CKAP5: variants seen among roughly 807,000 people sequenced by gnomAD.
CKAP5 encodes the protein cytoskeleton-associated protein 5.
CKAP5 carries 27 observed loss-of-function variants against 232.8 expected under a neutral mutation model. That is an observed-to-expected ratio of 0.12 (90% CI 0.09 to 0.16). The LOEUF (loss-of-function observed/expected upper bound fraction) is 0.16, where lower values mean the gene tolerates loss of function less well. CKAP5 is among the 10% of genes least tolerant of loss of function. The probability of loss-of-function intolerance (pLI) is 1.00; values close to 1 mark genes in which losing one functional copy is unlikely to be tolerated. For missense variants in CKAP5, 1,838 were observed against 2,424.7 expected (o/e 0.76, Z 5.08); for synonymous variants, 785 against 841.1 (o/e 0.93, Z 1.16).
At chr11:46,816,439 A>C in intron 3 of CKAP5, 35 bp from the exon 4 acceptor site, 1 of 1,573,542 alleles carries the variant, frequency 6.4e-7, no homozygotes, top group Non-Finnish European at 8.7e-7. Context: ...AATCCCACTT[A>C]AGTAGTAAGA....
At chr11:46,802,681 A>G (rs1257221085) in intron 8 of CKAP5, among the ~76,000 whole-genome samples, 1 of 152,104 alleles carries the variant, frequency 6.6e-6, no homozygotes, top group African/African-American at 2.4e-5. Flanking sequence ...CAGTAAGAGT[A>G]ATGCCTCCAG....
At chr11:46,778,075 G>T in intron 22 of CKAP5, 64 bp downstream of exon 22, 1 of 1,391,946 alleles carries the variant, frequency 7.2e-7, no homozygotes, top group South Asian at 1.4e-5. Context: ...AGGCTACACT[G>T]AAAAGGTAAC....
chr11:46,816,223 T>C lies in CKAP5; in HGVS notation c.433A>G (p.Ile145Val), dbSNP rs201535672. The C allele has an allele frequency of 3.2e-5, 52 of 1,614,040 alleles. No homozygotes were observed. In the East Asian group the frequency reaches 8.7e-4, roughly 27 times the overall value. The change falls in exon 4 of 44, where the codon ATA becomes GTA. Residue 145 changes from isoleucine (I) to valine (V), a missense_variant. Coordinates refer to ENST00000529230, the MANE Select transcript of CKAP5 (RefSeq NM_001008938.4). The stretch of plus-strand genomic sequence containing the variant: ...CTTAAGGCTTTCCTCAGTGTCTCTA[T>C]ACAGGCCACTATGATCTTGGGATTC... ...NKNPKIIVAC[I>V]ETLRKALSEF...
intron 8 of CKAP5, 51 bp downstream of exon 8, chr11:46,807,980 C>A: frequency 7.7e-7 from 1 of 1,304,000 alleles, no homozygotes; most frequent in South Asian, 1.3e-5. Flanking sequence ...ATGAGAAATT[C>A]AAAGGCCTGA....
chr11:46,779,134 A>AT (rs894541865), intron 20 of CKAP5, among the ~76,000 whole-genome samples: 156 of 149,414 alleles, frequency 1.0e-3, no homozygotes, highest in African/African-American at 3.5e-3. Context: ...AAACATAAAA[A>AT]TTTTTTTTTT....
intron 2 of CKAP5, among the ~76,000 whole-genome samples, chr11:46,819,548 G>A (rs1213685100): frequency 2.6e-5 from 4 of 152,136 alleles, no homozygotes; most frequent in East Asian, 1.9e-4. Flanking sequence ...AGAATTAGAT[G>A]TTTGTCCTCA....
intron 18 of CKAP5, among the ~76,000 whole-genome samples, chr11:46,781,752 C>A (rs969527633): frequency 6.6e-6 from 1 of 152,132 alleles, no homozygotes; most frequent in African/African-American, 2.4e-5. Context: ...GAAAACAACA[C>A]CATCTAAACT....
intron 35 of CKAP5, among the ~76,000 whole-genome samples, chr11:46,757,393 C>T (rs890244604): frequency 2.0e-5 from 3 of 150,396 alleles, no homozygotes; most frequent in Non-Finnish European, 3.0e-5. Context: ...CTAGGGAGGC[C>T]GAGGCAGGAG....
chr11:46,782,117 G>A (rs57196587), intron 18 of CKAP5, among the ~76,000 whole-genome samples: 2,478 of 152,082 alleles, frequency 0.016, 80 homozygotes, highest in African/African-American at 0.056. Context: ...GAGCCACCGC[G>A]CCCGGCCTGC....
In CKAP5 at chr11:46,777,570, A is replaced by G. The variant is rs1478138435; in HGVS notation, c.2749-18T>C. Reference sequence around the variant, plus strand: ...TGCTGTACCTGAGTGGAAAGAGCCAATACTTTATGTTGAAACGATAAGCAA... The same window carrying G: ...TGCTGTACCTGAGTGGAAAGAGCCAGTACTTTATGTTGAAACGATAAGCAA... On this transcript the variant is annotated intron_variant, in intron 22 of 43. Coordinates refer to ENST00000529230, the MANE Select transcript of CKAP5 (RefSeq NM_001008938.4). The G allele has an allele frequency of 6.6e-7, 1 of 1,520,808 alleles. No homozygotes were observed. Among genetic ancestry groups the G allele is most frequent in the Non-Finnish European group, 9.1e-7 (1 of 1,095,404 alleles). 94.2% of individuals were successfully genotyped at this position (1,520,808 alleles called of 1,614,324 possible).
In CKAP5 at chr11:46,765,354, T is replaced by C. The variant is rs1336262612; in HGVS notation, c.3412-98A>G. The C allele has an allele frequency of 4.8e-6, 5 of 1,039,202 alleles. No homozygotes were observed. The East Asian group carries it at 1.4e-4, about 29-fold the overall frequency. The allele number at this position is 1,039,202 out of a possible 1,614,324, so 64.4% of individuals were successfully genotyped here. Reference sequence around the variant, plus strand: ...AAAAGGGCACTGTAGAAAACAGAGATATCTTTCTACGTGATATTTCACATG... The same window carrying C: ...AAAAGGGCACTGTAGAAAACAGAGACATCTTTCTACGTGATATTTCACATG... On this transcript the variant is annotated intron_variant, in intron 27 of 43. Coordinates refer to ENST00000529230, the MANE Select transcript of CKAP5 (RefSeq NM_001008938.4).
At chr11:46,818,577 A>T in intron 2 of CKAP5, 74 bp from the exon 3 acceptor site, 2 of 932,300 alleles carry the variant, frequency 2.1e-6, no homozygotes, top group Non-Finnish European at 3.0e-6. Context: ...CTGGGGGGGG[A>T]GGGTGTGAGA....
At chr11:46,745,874 C>A (rs778871126) in intron 42 of CKAP5, among the ~76,000 whole-genome samples, 1 of 152,056 alleles carries the variant, frequency 6.6e-6, no homozygotes, top group Non-Finnish European at 1.5e-5. Flanking sequence ...ATCACTTGAA[C>A]CCAGGAGGCA....
At chr11:46,784,362 C>T in intron 17 of CKAP5, 126 bp downstream of exon 17, 2 of 762,348 alleles carry the variant, frequency 2.6e-6, no homozygotes, top group Non-Finnish European at 4.3e-6. Context: ...AACTCCATCT[C>T]AAAAAAAATG....
chr11:46,801,655 G>A (rs1276695697), intron 8 of CKAP5, among the ~76,000 whole-genome samples: 2 of 151,436 alleles, frequency 1.3e-5, no homozygotes, highest in African/African-American at 4.9e-5. Flanking sequence ...GGGCAACGCA[G>A]CAAGACTCCA....
chr11:46,753,040 GCTAA>G (rs1438013450), intron 37 of CKAP5: 24 of 438,984 alleles, frequency 5.5e-5, no homozygotes, highest in African/African-American at 2.8e-4. Context: ...ATATTGGCTG[GCTAA>G]CTAAGTATTT....
chr11:46,824,098 C>T (rs1324913457), intron 1 of CKAP5, among the ~76,000 whole-genome samples: 1 of 152,108 alleles, frequency 6.6e-6, no homozygotes, highest in Non-Finnish European at 1.5e-5. Flanking sequence ...GCCAAAACAA[C>T]AAAACTGGTA....
chr11:46,792,537 A>G (rs1257150025), intron 13 of CKAP5, among the ~76,000 whole-genome samples: 1 of 150,306 alleles, frequency 6.7e-6, no homozygotes, highest in Non-Finnish European at 1.5e-5. Flanking sequence ...TGGGGGATAA[A>G]AGGAGACTCT....
chr11:46,752,189 TATATACACACACACACACACACAC>T (rs1469186177), intron 38 of CKAP5, among the ~76,000 whole-genome samples: 2 of 64,380 alleles, frequency 3.1e-5, no homozygotes, highest in Admixed American at 2.1e-4. Flanking sequence ...TATATATATA[TATATACACACACACACACACACAC>T]ACACACACAC....
Sources: gnomAD v4.1 joint callset for allele counts (sites outside exome capture counted in the v4.1 genomes callset) on GRCh38, gnomAD v4.1.1 for gene constraint, MANE v1.5 for transcripts, NCBI Gene and HGNC (gene_info 2026-07-23, HGNC 2026-07-21) for gene names.